SNTG2: variants seen among roughly 807,000 people sequenced by gnomAD.
SNTG2 encodes gamma-2-syntrophin.
Under a neutral mutation model 70.9 loss-of-function variants are expected in SNTG2, and 74 were observed. That is an observed-to-expected ratio of 1.04 (90% CI 0.86 to 1.27). SNTG2 has a LOEUF of 1.27. Ranked by LOEUF, SNTG2 falls within the 50% of genes most tolerant of loss-of-function variation. The pLI is 0.00. For synonymous variants in SNTG2, 278 were observed against 273.8 expected (o/e 1.02, Z -0.15); for missense variants, 717 against 690.7 (o/e 1.04, Z -0.43).
intron 8 of SNTG2, among the ~76,000 whole-genome samples, chr2:1,186,806 C>G (rs1672280722): frequency 6.6e-6 from 1 of 152,060 alleles, no homozygotes; most frequent in Non-Finnish European, 1.5e-5. Context: ...AGACACAAAT[C>G]CAAACCATAT....
intron 9 of SNTG2, among the ~76,000 whole-genome samples, chr2:1,232,948 T>A (rs1451910584): frequency 6.6e-6 from 1 of 152,210 alleles, no homozygotes; most frequent in Non-Finnish European, 1.5e-5. Flanking sequence ...AACAGGCATG[T>A]GTGCAATGCA....
chr2:1,072,969 G>A (rs749735741), intron 1 of SNTG2, among the ~76,000 whole-genome samples: 6 of 152,216 alleles, frequency 3.9e-5, no homozygotes, highest in Non-Finnish European at 7.3e-5. Context: ...TAGACGCAGA[G>A]CCTGCAGATG....
chr2:1,191,542 T>C (rs1672593437), intron 8 of SNTG2, among the ~76,000 whole-genome samples: 1 of 152,118 alleles, frequency 6.6e-6, no homozygotes, highest in African/African-American at 2.4e-5. Context: ...ACACCTGTAA[T>C]CCCAGCACTT....
Position 1,083,481 on chromosome 2 carries a change from C to A in SNTG2, c.73-37C>A, listed in dbSNP as rs889676901. On this transcript the variant is annotated intron_variant, in intron 1 of 16. Transcript: ENST00000308624. ...TATCCCCACCCCTGGCTCCTGCCCTCACACCATTTTTTTGTGTTTCCACTT... is the reference window on the plus strand; with the variant it reads ...TATCCCCACCCCTGGCTCCTGCCCTAACACCATTTTTTTGTGTTTCCACTT... 7.4e-6 allele frequency: 12 copies of A among 1,611,800 alleles called. No individual in the cohort carries two copies. In the African/African-American group the frequency reaches 8.0e-5, roughly 11 times the overall value.
intron 9 of SNTG2, among the ~76,000 whole-genome samples, chr2:1,230,602 T>A (rs562802477): frequency 5.3e-5 from 8 of 152,314 alleles, no homozygotes; most frequent in African/African-American, 1.9e-4. Flanking sequence ...TGGTTGTGCA[T>A]CCCTGGAGTA....
chr2:1,319,588 A>G (rs1681432095), intron 16 of SNTG2, among the ~76,000 whole-genome samples: 1 of 152,208 alleles, frequency 6.6e-6, no homozygotes, highest in Admixed American at 6.5e-5. Context: ...GGCCCTGGGC[A>G]CGTCGCTTGG....
intron 16 of SNTG2, among the ~76,000 whole-genome samples, chr2:1,326,580 G>A (rs1160617877): frequency 6.6e-6 from 1 of 151,914 alleles, no homozygotes; most frequent in Non-Finnish European, 1.5e-5. Flanking sequence ...GAAGCATGAG[G>A]CCAACAGAAT....
chr2:1,026,895 T>C (rs1660508433), intron 1 of SNTG2, among the ~76,000 whole-genome samples: 1 of 152,146 alleles, frequency 6.6e-6, no homozygotes, highest in South Asian at 2.1e-4. Context: ...TCTCCTGACT[T>C]AGTGTCTGCA....
At chr2:1,148,290 A>G (rs950175898) in intron 6 of SNTG2, among the ~76,000 whole-genome samples, 3 of 152,158 alleles carry the variant, frequency 2.0e-5, no homozygotes, top group Non-Finnish European at 4.4e-5. Context: ...TGGAGAAGAG[A>G]GGGCCTGGCC....
intron 8 of SNTG2, among the ~76,000 whole-genome samples, chr2:1,205,541 T>C (rs975985664): frequency 2.0e-5 from 3 of 152,094 alleles, no homozygotes; most frequent in African/African-American, 7.2e-5. Context: ...TAAAATAACC[T>C]CACAAGTTCC....
intron 8 of SNTG2, among the ~76,000 whole-genome samples, chr2:1,174,507 A>C (rs980516253): frequency 2.0e-5 from 3 of 152,168 alleles, no homozygotes; most frequent in African/African-American, 7.2e-5. Context: ...TCATTAAAAG[A>C]GGTGCAGCCA....
At chr2:959,789 G>A (rs911185448) in intron 1 of SNTG2, among the ~76,000 whole-genome samples, 12 of 151,242 alleles carry the variant, frequency 7.9e-5, no homozygotes, top group African/African-American at 2.9e-4. Context: ...CCCCTTCTTT[G>A]GAGTAAATAC....
intron 4 of SNTG2, among the ~76,000 whole-genome samples, chr2:1,124,588 G>A (rs4971464): frequency 0.44 from 67,317 of 151,946 alleles, 15,483 homozygotes; most frequent in East Asian, 0.66. Context: ...GAGCCACCGC[G>A]CCCGGCCTAC....
At chr2:1,001,304 A>G (rs1340137962) in intron 1 of SNTG2, among the ~76,000 whole-genome samples, 1 of 152,048 alleles carries the variant, frequency 6.6e-6, no homozygotes. Flanking sequence ...AAGACATCCC[A>G]ATTGGAAAAG....
intron 1 of SNTG2, among the ~76,000 whole-genome samples, chr2:967,702 G>C (rs1660613675): frequency 6.6e-6 from 1 of 152,144 alleles, no homozygotes; most frequent in Non-Finnish European, 1.5e-5. Context: ...TCAGGGCATT[G>C]GTGTAATCCT....
At chr2:1,033,979 T>C (rs1660986200) in intron 1 of SNTG2, among the ~76,000 whole-genome samples, 1 of 152,240 alleles carries the variant, frequency 6.6e-6, no homozygotes, top group Non-Finnish European at 1.5e-5. Flanking sequence ...TTTCTCTTTC[T>C]TTTTAAAAAT....
At chr2:1,190,585 T>A (rs1157072329) in intron 8 of SNTG2, among the ~76,000 whole-genome samples, 1 of 147,694 alleles carries the variant, frequency 6.8e-6, no homozygotes, top group Admixed American at 6.8e-5. Context: ...TGTAAATGTA[T>A]ATATATAATA....
intron 16 of SNTG2, among the ~76,000 whole-genome samples, chr2:1,332,457 A>G (rs1659584468): frequency 6.6e-6 from 1 of 152,212 alleles, no homozygotes; most frequent in African/African-American, 2.4e-5. Flanking sequence ...TGCCAAAACC[A>G]GGAAAAGACA....
intron 4 of SNTG2, among the ~76,000 whole-genome samples, chr2:1,102,993 G>A (rs1665881333): frequency 1.3e-5 from 2 of 152,216 alleles, no homozygotes; most frequent in Admixed American, 1.3e-4. Context: ...CCGTTGAGGT[G>A]CGGCCTGCGT....
Sources: gnomAD v4.1 joint callset for allele counts (sites outside exome capture counted in the v4.1 genomes callset) on GRCh38, gnomAD v4.1.1 for gene constraint, MANE v1.5 for transcripts, NCBI Gene and HGNC (gene_info 2026-07-23, HGNC 2026-07-21) for gene names.